DNAAF4: variants seen among roughly 807,000 people sequenced by gnomAD.
DNAAF4 encodes dynein assembly factor 4, axonemal.
Under a neutral mutation model 51.8 loss-of-function variants are expected in DNAAF4, and 43 were observed. The observed-to-expected ratio is 0.83, with a 90% confidence interval of 0.65 to 1.07. The LOEUF is 1.07. Among genes scored for constraint, DNAAF4 ranks in the 50% least tolerant of loss-of-function variants. The pLI is 0.00. For synonymous variants in DNAAF4, 194 were observed against 165.6 expected (o/e 1.17, Z -1.32); for missense variants, 581 against 493.0 (o/e 1.18, Z -1.69).
At chr15:55,467,659 G>A (rs1187334175) in intron 4 of DNAAF4, among the ~76,000 whole-genome samples, 2 of 151,938 alleles carry the variant, frequency 1.3e-5, no homozygotes, top group Non-Finnish European at 2.9e-5. Flanking sequence ...CAGTCCTAAG[G>A]ACTGAAGGAA....
At chr15:55,435,994 G>C (rs1384832643) in intron 7 of DNAAF4, among the ~76,000 whole-genome samples, 1 of 152,138 alleles carries the variant, frequency 6.6e-6, no homozygotes, top group Non-Finnish European at 1.5e-5. Flanking sequence ...CTCCATGTTG[G>C]TCAGACTGGT....
At chr15:55,421,625 G>A (rs921420446) in intron 7 of DNAAF4, among the ~76,000 whole-genome samples, 4 of 152,012 alleles carry the variant, frequency 2.6e-5, no homozygotes, top group South Asian at 2.1e-4. Context: ...GGTGGCTCAC[G>A]CCTGTAATCC....
downstream of DNAAF4, among the ~76,000 whole-genome samples, chr15:55,428,571 T>G (rs1211948912): frequency 1.5e-5 from 2 of 136,994 alleles, no homozygotes; most frequent in African/African-American, 5.4e-5. Context: ...CTCGGCTCAC[T>G]GCAACCTCCG....
chr15:55,471,411 C>A (rs1441766268), intron 4 of DNAAF4, among the ~76,000 whole-genome samples: 3 of 152,082 alleles, frequency 2.0e-5, no homozygotes, highest in Non-Finnish European at 4.4e-5. Context: ...CACCCCATCA[C>A]TCAGAAAATT....
intron 4 of DNAAF4, among the ~76,000 whole-genome samples, chr15:55,483,931 G>A (rs2058449856): frequency 7.7e-6 from 1 of 130,254 alleles, no homozygotes; most frequent in Non-Finnish European, 1.5e-5. Context: ...AAGAATAAAT[G>A]TTATACTTAC....
chr15:55,480,257 G>A (rs971790501), intron 4 of DNAAF4, among the ~76,000 whole-genome samples: 2 of 151,968 alleles, frequency 1.3e-5, no homozygotes, highest in Non-Finnish European at 2.9e-5. Flanking sequence ...TCTTTATACT[G>A]TCTCTCTTTA....
At chr15:55,457,552 C>G (rs528875228) in intron 5 of DNAAF4, among the ~76,000 whole-genome samples, 1 of 152,292 alleles carries the variant, frequency 6.6e-6, no homozygotes, top group Admixed American at 6.5e-5. Context: ...CTCTTCTATA[C>G]TGCAGCTGGT....
At position 55,469,664 on chromosome 15, in the gene DNAAF4, A is replaced by G. The variant is rs569455803; in HGVS notation, c.406-2503T>C. Among the ~76,000 whole-genome samples the G allele has an allele frequency of 1.5e-4, 23 of 149,840 alleles. No homozygotes were observed. In the East Asian group the frequency reaches 1.8e-3, roughly 12 times the overall value. On this transcript the variant is annotated intron_variant, in intron 4 of 9. Coordinates refer to ENST00000321149, the MANE Select transcript of DNAAF4 (RefSeq NM_130810.4). ...CACCTGGCTAATTTATTTTTTTTTT[A>G]TATTTTTAGTAGAGACGGGGTTTCA... is the stretch of plus-strand genomic sequence containing the variant.
At chr15:55,435,453 G>A (rs2057592135) in intron 7 of DNAAF4, among the ~76,000 whole-genome samples, 1 of 152,234 alleles carries the variant, frequency 6.6e-6, no homozygotes, top group African/African-American at 2.4e-5. Context: ...AAGTCACATA[G>A]CCCACATTGT....
At chr15:55,477,323 C>A (rs979607088) in intron 4 of DNAAF4, among the ~76,000 whole-genome samples, 6 of 152,082 alleles carry the variant, frequency 3.9e-5, no homozygotes, top group Admixed American at 1.3e-4. Context: ...TTTAAAAAGA[C>A]AATATATATA....
At position 55,498,420 on chromosome 15, in the gene DNAAF4, T is replaced by G; in HGVS notation, c.-91A>C. On this transcript the variant is annotated 5_prime_UTR_variant, in exon 2 of 10. Coordinates refer to ENST00000321149, the MANE Select transcript of DNAAF4 (RefSeq NM_130810.4). ...GCTGGGGTTACCATGCGCCAGCCCT[T>G]CCGGGTCAGGCCGGCCGGGAGCCCG... The G allele has an allele frequency of 6.6e-7, 1 of 1,519,930 alleles. No homozygotes were observed. Among genetic ancestry groups the G allele is most frequent in the Non-Finnish European group, 8.8e-7 (1 of 1,135,640 alleles). The allele number at this position is 1,519,930 out of a possible 1,614,324, so 94.2% of individuals were successfully genotyped here.
chr15:55,435,789 T>C (rs1279512627), intron 7 of DNAAF4, among the ~76,000 whole-genome samples: 1 of 149,770 alleles, frequency 6.7e-6, no homozygotes, highest in African/African-American at 2.6e-5. Context: ...TTGCTTTTTT[T>C]TGTTTGTTTG....
chr15:55,432,363 A>G (rs2057509990), intron 9 of DNAAF4, 134 bp downstream of exon 9: 1 of 584,322 alleles, frequency 1.7e-6, no homozygotes, highest in Non-Finnish European at 2.9e-6. Context: ...TATACTGCAG[A>G]CATTACTAAG....
At chr15:55,468,833 T>C (rs1015953871) in intron 4 of DNAAF4, among the ~76,000 whole-genome samples, 3 of 152,146 alleles carry the variant, frequency 2.0e-5, no homozygotes, top group Admixed American at 6.6e-5. Flanking sequence ...AAGGGAACTA[T>C]AGGTATAATG....
In DNAAF4 at chr15:55,430,623, T is replaced by G; in HGVS notation, c.*47A>C. The G allele has an allele frequency of 6.3e-7, 1 of 1,589,580 alleles. No homozygotes were observed. Reference sequence around the variant, plus strand: ...ATAATATGTACAAAGATGCCTCCAGTTGTTTTTAAAAAACTTATAACAATA... The same window carrying G: ...ATAATATGTACAAAGATGCCTCCAGGTGTTTTTAAAAAACTTATAACAATA... On this transcript the variant is annotated 3_prime_UTR_variant, in exon 10 of 10. Transcript: ENST00000321149.
At chr15:55,451,675 G>A (rs1175764089) in intron 5 of DNAAF4, among the ~76,000 whole-genome samples, 1 of 150,704 alleles carries the variant, frequency 6.6e-6, no homozygotes, top group Non-Finnish European at 1.5e-5. Flanking sequence ...GTGCAGTGAT[G>A]CAATCACAGC....
chr15:55,428,656 G>C (rs1233868730), downstream of DNAAF4, among the ~76,000 whole-genome samples: 2 of 150,808 alleles, frequency 1.3e-5, no homozygotes, highest in African/African-American at 2.4e-5. Context: ...CACCACGCCT[G>C]GCTAAATTTT....
intron 5 of DNAAF4, among the ~76,000 whole-genome samples, chr15:55,463,194 A>ACACACT (rs2058119710): frequency 6.6e-6 from 1 of 151,794 alleles, no homozygotes; most frequent in African/African-American, 2.4e-5. Context: ...ACACACACAC[A>ACACACT]CACACACACA....
At chr15:55,473,301 A>ATATATGTG (rs2058290099) in intron 4 of DNAAF4, among the ~76,000 whole-genome samples, 1 of 142,318 alleles carries the variant, frequency 7.0e-6, no homozygotes, top group East Asian at 2.0e-4. Context: ...ATATGTGTAT[A>ATATATGTG]TATATGTGTG....
Sources: allele counts gnomAD v4.1 joint callset (sites outside exome capture counted in the v4.1 genomes callset), GRCh38; gene constraint gnomAD v4.1.1; transcripts MANE v1.5; gene names NCBI Gene and HGNC (gene_info 2026-07-23, HGNC 2026-07-21).